The following EYA1 variants were observed in gnomAD, a reference collection of about 807,000 sequenced individuals.
EYA1 encodes the protein protein phosphatase EYA1.
In EYA1, 16 loss-of-function variants were observed where a neutral mutation model predicts 82.0. That is an observed-to-expected ratio of 0.20 (90% CI 0.13 to 0.30). The LOEUF (loss-of-function observed/expected upper bound fraction) is 0.30, where lower values mean the gene tolerates loss of function less well. Among genes scored for constraint, EYA1 ranks in the 10% least tolerant of loss-of-function variants. EYA1 has a pLI of 1.00. For missense variants in EYA1, 633 were observed against 730.7 expected (o/e 0.87, Z 1.54); for synonymous variants, 261 against 264.4 (o/e 0.99, Z 0.12).
At chr8:71,538,110 A>T (rs142367203) in intron 1 of EYA1, among the ~76,000 whole-genome samples, 1 of 152,174 alleles carries the variant, frequency 6.6e-6, no homozygotes, top group African/African-American at 2.4e-5. Flanking sequence ...CTACATGTCA[A>T]TCCAAACCAT....
intron 9 of EYA1, among the ~76,000 whole-genome samples, chr8:71,282,157 G>A (rs986920264): frequency 5.9e-5 from 9 of 152,114 alleles, no homozygotes; most frequent in Non-Finnish European, 1.2e-4. Flanking sequence ...TATGATGGGT[G>A]GACCTTCTGC....
chr8:71,425,104 C>CAAAAAACAA (rs1831350724), intron 2 of EYA1, among the ~76,000 whole-genome samples: 1 of 75,292 alleles, frequency 1.3e-5, no homozygotes, highest in Non-Finnish European at 2.3e-5. Context: ...ACTAAAAATA[C>CAAAAAACAA]AAAAAAAAAA....
intron 2 of EYA1, among the ~76,000 whole-genome samples, chr8:71,422,653 C>T (rs1407722175): frequency 6.6e-6 from 1 of 152,006 alleles, no homozygotes; most frequent in Non-Finnish European, 1.5e-5. Flanking sequence ...CTGGGGAGGC[C>T]TCAGGAAATT....
intron 2 of EYA1, among the ~76,000 whole-genome samples, chr8:71,451,192 CA>C (rs957303968): frequency 6.6e-6 from 1 of 152,124 alleles, no homozygotes; most frequent in Non-Finnish European, 1.5e-5. Context: ...TTTCAAAGGG[CA>C]CATGATTTTG....
intron 2 of EYA1, among the ~76,000 whole-genome samples, chr8:71,407,622 G>C (rs1393337942): frequency 8.5e-6 from 1 of 117,184 alleles, no homozygotes; most frequent in East Asian, 2.2e-4. Context: ...AAGGGTATCA[G>C]CAATGGAAGA....
At position 71,522,499 on chromosome 8, in the gene EYA1, T is replaced by C. The variant is rs79619459; in HGVS notation, c.33+13245A>G. The stretch of plus-strand genomic sequence containing the variant: ...GACATCTCCAAAGAAATAGAACTAA[T>C]ATCTCCAAAGAAAATCAGCTGATTT... On this transcript the variant is annotated intron_variant, in intron 2 of 18. Coordinates refer to the EYA1 transcript ENST00000643681. Among the ~76,000 whole-genome samples the C allele has an allele frequency of 9.8e-4, 150 of 152,328 alleles. 1 individual carries two copies. The East Asian group carries it at 0.028, about 28-fold the overall frequency.
intron 9 of EYA1, among the ~76,000 whole-genome samples, chr8:71,287,612 C>T (rs1157356416): frequency 3.9e-5 from 6 of 152,220 alleles, no homozygotes; most frequent in Non-Finnish European, 7.3e-5. Flanking sequence ...AAGCTCCCCA[C>T]AGTCATTCTA....
intron 2 of EYA1, among the ~76,000 whole-genome samples, chr8:71,515,456 A>C (rs1360071384): frequency 1.3e-5 from 2 of 152,006 alleles, no homozygotes; most frequent in African/African-American, 4.8e-5. Context: ...CACAAGCTCA[A>C]AATCAAGTTG....
chr8:71,544,621 A>C (rs1381703370), intron 1 of EYA1, among the ~76,000 whole-genome samples: 2 of 152,152 alleles, frequency 1.3e-5, no homozygotes, highest in East Asian at 3.9e-4. Flanking sequence ...TGAAGATTAC[A>C]ATCTTTCCTA....
chr8:71,532,459 T>G (rs1475203788), intron 2 of EYA1, among the ~76,000 whole-genome samples: 1 of 152,212 alleles, frequency 6.6e-6, no homozygotes, highest in Non-Finnish European at 1.5e-5. Flanking sequence ...TTGTCACATA[T>G]GTATCTATGT....
intron 4 of EYA1, among the ~76,000 whole-genome samples, chr8:71,324,741 C>T (rs545327437): frequency 1.3e-5 from 2 of 152,212 alleles, no homozygotes; most frequent in Non-Finnish European, 2.9e-5. Flanking sequence ...TTCCGACCCC[C>T]TGCGTGGAAA....
rs1026425716 is a variant in EYA1, at chr8:71,383,020, A to G, written c.34-26509T>C. 6.4e-4 allele frequency among the ~76,000 whole-genome samples: 97 copies of G among 152,100 alleles called. 1 individual carries two copies. Among genetic ancestry groups the G allele is most frequent in the African/African-American group, 2.1e-3 (85 of 41,448 alleles). ...ATTTTTAAGAGTTTTATCTTTGGTT[A>G]AGCAACTTTTCTTCTGTGGAACAGT... On this transcript the variant is annotated intron_variant, in intron 2 of 18. Transcript: ENST00000643681.
At chr8:71,451,506 A>T (rs145673878) in intron 2 of EYA1, among the ~76,000 whole-genome samples, 1 of 152,324 alleles carries the variant, frequency 6.6e-6, no homozygotes, top group Non-Finnish European at 1.5e-5. Flanking sequence ...TATATGAAAT[A>T]TATGAAATAC....
chr8:71,222,104 C>T (rs960897173), intron 12 of EYA1, among the ~76,000 whole-genome samples: 3 of 152,116 alleles, frequency 2.0e-5, no homozygotes, highest in Non-Finnish European at 4.4e-5. Context: ...AGAAAACTTC[C>T]ACTCCTGCTC....
At chr8:71,276,987 A>G (rs1237948401) in intron 9 of EYA1, among the ~76,000 whole-genome samples, 1 of 152,116 alleles carries the variant, frequency 6.6e-6, no homozygotes, top group African/African-American at 2.4e-5. Context: ...AACTGAAAAA[A>G]GTGTTGTCAC....
chr8:71,347,054 A>G (rs1214081408), intron 3 of EYA1, among the ~76,000 whole-genome samples: 1 of 152,212 alleles, frequency 6.6e-6, no homozygotes, highest in Non-Finnish European at 1.5e-5. Flanking sequence ...TATATCTTTC[A>G]TCTTGGCCAC....
chr8:71,492,532 T>A (rs1446750181), intron 2 of EYA1, among the ~76,000 whole-genome samples: 1 of 151,606 alleles, frequency 6.6e-6, no homozygotes, highest in African/African-American at 2.4e-5. Context: ...TCGCGTGATC[T>A]CAGCTCACTG....
intron 2 of EYA1, among the ~76,000 whole-genome samples, chr8:71,413,380 T>A (rs1350038814): frequency 2.6e-5 from 4 of 152,168 alleles, no homozygotes; most frequent in Non-Finnish European, 5.9e-5. Context: ...GCTCAGTATA[T>A]TATCCTAGTT....
chr8:71,411,723 G>T, intron 2 of EYA1, among the ~76,000 whole-genome samples: 1 of 145,610 alleles, frequency 6.9e-6, no homozygotes, highest in Non-Finnish European at 1.5e-5. Context: ...AAAAAGTCAG[G>T]AAACAACAGG....
Sources: gnomAD v4.1 joint callset for allele counts (sites outside exome capture counted in the v4.1 genomes callset) on GRCh38, gnomAD v4.1.1 for gene constraint, MANE v1.5 for transcripts, NCBI Gene and HGNC (gene_info 2026-07-23, HGNC 2026-07-21) for gene names.